The following ARPC5 variants were observed in gnomAD, a reference collection of about 807,000 sequenced individuals.
ARPC5 encodes actin-related protein 2/3 complex subunit 5.
A neutral mutation model predicts 15.4 loss-of-function variants in ARPC5; 5 were observed. The observed-to-expected ratio is 0.32, with a 90% CI of 0.17 to 0.68. The LOEUF (loss-of-function observed/expected upper bound fraction) is 0.68, where lower values mean the gene tolerates loss of function less well. Among genes scored for constraint, ARPC5 ranks in the 30% least tolerant of loss-of-function variants. The pLI, the probability that ARPC5 is intolerant of heterozygous loss-of-function variation, is 0.71. For missense variants in ARPC5, 138 were observed against 192.8 expected (o/e 0.72, Z 1.68); for synonymous variants, 85 against 72.2 (o/e 1.18, Z -0.90).
In ARPC5 at chr1:183,635,643, ACT is replaced by A; in HGVS notation, c.15_16del (p.Ser7ValfsTer11). On this transcript the variant is annotated frameshift_variant, in exon 1 of 4. Transcript: ENST00000359856. LOFTEE classifies it high-confidence loss of function. ...CACCTTCCGGAAGCGGGCCGACGAC[ACT>A]GTGTTCTTCGACATCCCAATCCCGA... 1 of 1,612,850 alleles carries A rather than the reference ACT, an allele frequency of 6.2e-7. No homozygotes were observed. The highest frequency in any genetic ancestry group is 8.5e-7 in the Non-Finnish European group (1 of 1,179,526).
chr1:183,633,125 G>A lies in ARPC5; in HGVS notation c.173C>T (p.Ala58Val). The A allele has an allele frequency of 6.2e-7, 1 of 1,604,702 alleles. No individual in the cohort carries two copies. The highest frequency in any genetic ancestry group is 8.5e-7 in the Non-Finnish European group (1 of 1,176,390). ...GGTGTTGATAGGGGGGTTCTTCAGA[G>A]CTGCCTGTAGGGCAGCTGTCATGTT... ...QGNMTAALQA[A>V]LKNPPINTKS... The change falls in exon 2 of 4, where the codon GCT becomes GTT. Residue 58 changes from alanine to valine, a missense_variant. Transcript: ENST00000359856.
At chr1:183,632,484 T>C (rs1444030312) in intron 2 of ARPC5, 2 of 152,220 alleles carry the variant, frequency 1.3e-5, no homozygotes. Context: ...ATGTATACAC[T>C]GCAGCTTATC....
chr1:183,623,458 CA>C lies in ARPC5; in HGVS notation c.*4073del. 1 of 1,550,362 alleles carries C rather than the reference CA, an allele frequency of 6.5e-7. No individual in the cohort carries two copies. Among genetic ancestry groups the C allele is most frequent in the Non-Finnish European group, 8.7e-7 (1 of 1,146,900 alleles). On this transcript the variant is annotated 3_prime_UTR_variant, in exon 4 of 4. Transcript: ENST00000359856. The stretch of plus-strand genomic sequence containing the variant: ...CCCGGGCCTCCTCCATATCTGGAAT[CA>C]TACAAGAGGCACCTGCACAGAACGT...
At chr1:183,629,271 T>C (rs938923096) in intron 3 of ARPC5, among the ~76,000 whole-genome samples, 2 of 152,238 alleles carry the variant, frequency 1.3e-5, no homozygotes, top group Admixed American at 6.5e-5. Flanking sequence ...GAGGCTATGC[T>C]AGAACTACGC....
intron 2 of ARPC5, chr1:183,631,533 T>C (rs919599202): frequency 1.4e-5 from 2 of 143,930 alleles, no homozygotes; most frequent in Admixed American, 1.4e-4. Context: ...TGAGTTGAGA[T>C]TGCACCACTG....
At chr1:183,633,975 G>A (rs1469537803) in intron 1 of ARPC5, 2 of 152,148 alleles carry the variant, frequency 1.3e-5, no homozygotes, top group Non-Finnish European at 2.9e-5. Flanking sequence ...GTATGTAACG[G>A]TAAGAAGAGA....
In ARPC5 at chr1:183,623,353, A is replaced by AT; in HGVS notation, c.*4178dup. 1 of 1,407,598 alleles carries AT rather than the reference A, an allele frequency of 7.1e-7. No homozygotes were observed. Among genetic ancestry groups the AT allele is most frequent in the Non-Finnish European group, 9.8e-7 (1 of 1,016,694 alleles). 87.2% of individuals were successfully genotyped at this position (1,407,598 alleles called of 1,614,324 possible). A position where few individuals can be genotyped will look rare whatever the true frequency, so the allele number is the denominator to read the frequency against. Reference sequence around the variant, plus strand: ...AATGTTAAAGTGAATGCTGTGTCCCATGTTGCTTGTGGTTGGATCATCAAT... The same window carrying AT: ...AATGTTAAAGTGAATGCTGTGTCCCATTGTTGCTTGTGGTTGGATCATCAAT... On this transcript the variant is annotated 3_prime_UTR_variant, in exon 4 of 4. Transcript: ENST00000359856.
rs770237855 is a variant in ARPC5, at chr1:183,627,485, T to C, written c.*47A>G. 3 of 1,553,028 alleles carry C rather than the reference T, an allele frequency of 1.9e-6. No homozygotes were observed. The South Asian group carries it at 3.3e-5, about 17-fold the overall frequency. On this transcript the variant is annotated 3_prime_UTR_variant, in exon 4 of 4. Transcript: ENST00000359856. ...TGGCATTTGGTTGTTTTGGTCTTTG[T>C]ACCAGCAATTCCCACTCCCGAGGCA...
intron 1 of ARPC5, among the ~76,000 whole-genome samples, chr1:183,634,930 T>TAAAA (rs72182011): frequency 0.066 from 9,014 of 136,532 alleles, 501 homozygotes; most frequent in African/African-American, 0.15. Flanking sequence ...TTTTTTTTTT[T>TAAAA]AAAAAGGCCA....
chr1:183,628,056 C>T (rs1649158993), intron 3 of ARPC5, among the ~76,000 whole-genome samples: 1 of 151,544 alleles, frequency 6.6e-6, no homozygotes, highest in South Asian at 2.1e-4. Flanking sequence ...GCCTGTAGTC[C>T]CAGCTACTCG....
intron 3 of ARPC5, among the ~76,000 whole-genome samples, chr1:183,629,968 A>C (rs193135490): frequency 2.6e-5 from 4 of 152,332 alleles, no homozygotes; most frequent in South Asian, 4.1e-4. Context: ...TATTTCATAT[A>C]AGTAAAATTA....
chr1:183,623,222 G>A lies in ARPC5; in HGVS notation c.*4310C>T. On this transcript the variant is annotated 3_prime_UTR_variant, in exon 4 of 4. Transcript: ENST00000359856. Reference sequence around the variant, plus strand: ...ACTCAATTTGTGTTTCATGTGGTGTGGATTCTAGGGAACTGTTTCAGAGAG... The same window carrying A: ...ACTCAATTTGTGTTTCATGTGGTGTAGATTCTAGGGAACTGTTTCAGAGAG... The A allele has an allele frequency of 3.4e-6, 2 of 591,936 alleles. No individual in the cohort carries two copies. Among genetic ancestry groups the A allele is most frequent in the Non-Finnish European group, 6.0e-6 (2 of 335,166 alleles). 36.7% of individuals were successfully genotyped at this position (591,936 alleles called of 1,614,324 possible).
rs144164429 is a variant in ARPC5, at chr1:183,623,670, A to G, written c.*3862T>C. 2.0e-3 allele frequency: 1,341 copies of G among 654,784 alleles called. 22 individuals carry two copies. The East Asian group carries it at 0.032, about 16-fold the overall frequency. 40.6% of individuals were successfully genotyped at this position (654,784 alleles called of 1,614,324 possible). ...TTTCAATTATTTTGGTGCTTTTAACATATTTTGTCTGTAAGGGGATGTTAG... is the reference window on the plus strand; with the variant it reads ...TTTCAATTATTTTGGTGCTTTTAACGTATTTTGTCTGTAAGGGGATGTTAG... On this transcript the variant is annotated 3_prime_UTR_variant, in exon 4 of 4. Coordinates refer to ENST00000359856, the MANE Select transcript of ARPC5 (RefSeq NM_005717.4).
intron 3 of ARPC5, 30 bp downstream of exon 3, chr1:183,630,431 A>C: frequency 1.3e-6 from 2 of 1,509,548 alleles, no homozygotes; most frequent in African/African-American, 2.8e-5. Context: ...TAAAAGAACC[A>C]GTCATATAGA....
At chr1:183,630,399 T>A in intron 3 of ARPC5, 62 bp downstream of exon 3, 1 of 1,319,852 alleles carries the variant, frequency 7.6e-7, no homozygotes, top group Non-Finnish European at 1.0e-6. Flanking sequence ...GTGAGAGAGG[T>A]TGTCATTGTC....
intron 3 of ARPC5, among the ~76,000 whole-genome samples, chr1:183,628,513 T>C (rs1261522011): frequency 6.6e-6 from 1 of 152,234 alleles, no homozygotes; most frequent in East Asian, 1.9e-4. Flanking sequence ...CTGTGCTAGA[T>C]GCTGGGGATA....
rs1369761483 is a variant in ARPC5 at position 183,635,750 on chromosome 1, C to G, written c.-91G>C. 1.3e-6 allele frequency: 2 copies of G among 1,518,644 alleles called. No homozygotes were observed. Among genetic ancestry groups the G allele is most frequent in the East Asian group, 2.4e-5 (1 of 42,066 alleles). 94.1% of individuals were successfully genotyped at this position (1,518,644 alleles called of 1,614,324 possible). A position where few individuals can be genotyped will look rare whatever the true frequency, so the allele number is the denominator to read the frequency against. On this transcript the variant is annotated 5_prime_UTR_variant, in exon 1 of 4. Coordinates refer to ENST00000359856, the MANE Select transcript of ARPC5 (RefSeq NM_005717.4). ...GCAACCCACTACCCGGCGCCTGATT[C>G]ACTTCCCTCTTCCGCTCTGAGGCGT...
In ARPC5 at chr1:183,625,882, G is replaced by C. The variant is rs552836053; in HGVS notation, c.*1650C>G. Reference sequence around the variant, plus strand: ...AGAAATAGATTTGAGGTGAAAGAAAGAGAATTTTGGAGGCTGGGAGTGAAT... The same window carrying C: ...AGAAATAGATTTGAGGTGAAAGAAACAGAATTTTGGAGGCTGGGAGTGAAT... On this transcript the variant is annotated 3_prime_UTR_variant, in exon 4 of 4. Coordinates refer to ENST00000359856, the MANE Select transcript of ARPC5 (RefSeq NM_005717.4). 2.6e-5 allele frequency: 4 copies of C among 151,990 alleles called. No individual in the cohort carries two copies. Among genetic ancestry groups the C allele is most frequent in the Non-Finnish European group, 5.9e-5 (4 of 68,046 alleles). The allele number at this position is 151,990 out of a possible 1,614,324, so 9.4% of individuals were successfully genotyped here.
chr1:183,626,135 C>G lies in ARPC5; in HGVS notation c.*1397G>C, dbSNP rs978445633. On this transcript the variant is annotated 3_prime_UTR_variant, in exon 4 of 4. Coordinates refer to ENST00000359856, the MANE Select transcript of ARPC5 (RefSeq NM_005717.4). ...AGAGTACAGTACTTGGTGGTAGAAG[C>G]AGAAAACCTTTCCTCTTAATTAACC... 1 of 152,196 alleles carries G rather than the reference C, an allele frequency of 6.6e-6. No individual in the cohort carries two copies. The highest frequency in any genetic ancestry group is 2.4e-5 in the African/African-American group (1 of 41,444). The allele number at this position is 152,196 out of a possible 1,614,324, so 9.4% of individuals were successfully genotyped here.
Sources: gnomAD v4.1 joint callset for allele counts (sites outside exome capture counted in the v4.1 genomes callset) on GRCh38, gnomAD v4.1.1 for gene constraint, MANE v1.5 for transcripts, NCBI Gene and HGNC (gene_info 2026-07-23, HGNC 2026-07-21) for gene names.